The following NCAM1 variants were observed in gnomAD, a reference collection of about 807,000 sequenced individuals.
NCAM1 encodes the protein neural cell adhesion molecule 1, also known as antigen recognized by monoclonal antibody 5.1H11.
NCAM1 carries 14 observed loss-of-function variants against 109.8 expected under a neutral mutation model. The ratio of observed to expected loss-of-function variants is 0.13; its 90% CI spans 0.08 to 0.20. The LOEUF (loss-of-function observed/expected upper bound fraction) is 0.20, where lower values mean the gene tolerates loss of function less well. Ranked by LOEUF, NCAM1 falls within the 10% of genes least tolerant of loss-of-function variation. The pLI, the probability that NCAM1 is intolerant of heterozygous loss-of-function variation, is 1.00. For missense variants in NCAM1, 774 were observed against 1,109.9 expected (o/e 0.70, Z 4.30); for synonymous variants, 418 against 442.9 (o/e 0.94, Z 0.70).
At chr11:112,998,107 T>A (rs1324426370) in intron 1 of NCAM1, among the ~76,000 whole-genome samples, 1 of 152,220 alleles carries the variant, frequency 6.6e-6, no homozygotes, top group Admixed American at 6.5e-5. Flanking sequence ...AGTGAGGAAC[T>A]TGAGGCCCAG....
At chr11:113,260,101 G>T (rs1945946248) in intron 16 of NCAM1, 45 bp from the exon 17 acceptor site, 2 of 1,545,304 alleles carry the variant, frequency 1.3e-6, no homozygotes, top group South Asian at 2.5e-5. Context: ...TTTATCTAAA[G>T]CTTTTTTGGT....
chr11:113,037,936 A>T (rs1555079449), intron 1 of NCAM1, among the ~76,000 whole-genome samples: 1 of 151,996 alleles, frequency 6.6e-6, no homozygotes, highest in East Asian at 1.9e-4. Flanking sequence ...AATTTTAGAG[A>T]TTGTCTGGCC....
intron 1 of NCAM1, among the ~76,000 whole-genome samples, chr11:113,160,125 G>A (rs1271222713): frequency 6.6e-6 from 1 of 152,052 alleles, no homozygotes; most frequent in South Asian, 2.1e-4. Flanking sequence ...CAGCAAGAAG[G>A]CTGGTTTGCA....
intron 1 of NCAM1, among the ~76,000 whole-genome samples, chr11:113,108,928 G>A (rs780488868): frequency 1.2e-3 from 186 of 151,162 alleles, no homozygotes; most frequent in Non-Finnish European, 2.2e-3. Flanking sequence ...AGTAGAGGTG[G>A]GGTTTCACCA....
intron 1 of NCAM1, among the ~76,000 whole-genome samples, chr11:113,096,712 A>G (rs1039236691): frequency 6.6e-6 from 1 of 152,096 alleles, no homozygotes; most frequent in Non-Finnish European, 1.5e-5. Flanking sequence ...TTTAACTGGC[A>G]TCACTGATGA....
chr11:113,238,601 C>T (rs1443613337), intron 14 of NCAM1, among the ~76,000 whole-genome samples: 4 of 152,156 alleles, frequency 2.6e-5, no homozygotes, highest in Non-Finnish European at 4.4e-5. Context: ...TAGGAAGGAC[C>T]TTCTCTGAAT....
At position 113,274,178 on chromosome 11, in the gene NCAM1, A is replaced by G. The variant is rs1315794120; in HGVS notation, c.2457-1089A>G. Among the ~76,000 whole-genome samples, 1 of 152,150 alleles carries G rather than the reference A, an allele frequency of 6.6e-6. No individual in the cohort carries two copies. Among genetic ancestry groups the G allele is most frequent in the African/African-American group, 2.4e-5 (1 of 41,440 alleles). Reference sequence around the variant, plus strand: ...TGCAGGAAGAAAAGAGGTAGGCCCCAGGCCCGTGGCAGGGGAGGGTGCAGT... The same window carrying G: ...TGCAGGAAGAAAAGAGGTAGGCCCCGGGCCCGTGGCAGGGGAGGGTGCAGT... On this transcript the variant is annotated intron_variant, in intron 19 of 19. Transcript: ENST00000316851. The surrounding 1 kb of genome is among the most constrained non-coding windows in gnomAD (Gnocchi z 4.1).
In NCAM1 at chr11:113,256,659, T is replaced by A. The variant is rs556137961; in HGVS notation, c.1953+658T>A. Among the ~76,000 whole-genome samples the A allele has an allele frequency of 2.6e-5, 4 of 152,332 alleles. No individual in the cohort carries two copies. In the South Asian group the frequency reaches 8.3e-4, roughly 32 times the overall value. The stretch of plus-strand genomic sequence containing the variant: ...CTAATCCTGCTAACAGCAAGTTGGC[T>A]CTAAGCCACCTTCTCCTGGTTTGCT... On this transcript the variant is annotated intron_variant, in intron 16 of 19. Transcript: ENST00000316851.
intron 17 of NCAM1, chr11:113,265,092 T>C: frequency 1.0e-6 from 1 of 985,474 alleles, no homozygotes; most frequent in East Asian, 1.1e-4. Flanking sequence ...GTTTGGATCA[T>C]GTTTTTCTAC....
At position 113,064,332 on chromosome 11, in the gene NCAM1, T is replaced by C. The variant is rs572154531; in HGVS notation, c.52+102668T>C. On this transcript the variant is annotated intron_variant, in intron 1 of 19. Transcript: ENST00000316851. ...CTCCAGGCAGGAGTAACATGACTAGTAAAATTATGACTGCTTAATCTTTCA... is the reference window on the plus strand; with the variant it reads ...CTCCAGGCAGGAGTAACATGACTAGCAAAATTATGACTGCTTAATCTTTCA... 6.6e-5 allele frequency among the ~76,000 whole-genome samples: 10 copies of C among 152,334 alleles called. 1 individual carries two copies. The South Asian group carries it at 2.1e-3, about 32-fold the overall frequency.
intron 19 of NCAM1, among the ~76,000 whole-genome samples, chr11:113,272,101 T>A (rs1946295606): frequency 6.6e-6 from 1 of 151,642 alleles, no homozygotes; most frequent in Admixed American, 6.5e-5. Flanking sequence ...GGCTCCTGTA[T>A]AAGTAGGGAT....
At position 113,226,714 on chromosome 11, in the gene NCAM1, A is replaced by C. The variant is rs1161842554; in HGVS notation, c.1090-4931A>C. ...TCCTCAGCAAATGTAAAAGAACAGA[A>C]ATGATAACAAACTGTCTCTCAGACC... On this transcript the variant is annotated intron_variant, in intron 9 of 19. Transcript: ENST00000316851. 2.6e-5 allele frequency among the ~76,000 whole-genome samples: 4 copies of C among 152,240 alleles called. No individual in the cohort carries two copies. The East Asian group carries it at 7.7e-4, about 29-fold the overall frequency.
At chr11:113,177,431 CTTG>C (rs559548270) in intron 1 of NCAM1, among the ~76,000 whole-genome samples, 11 of 152,048 alleles carry the variant, frequency 7.2e-5, no homozygotes, top group South Asian at 2.1e-4. Flanking sequence ...CGTATTATGT[CTTG>C]TTGTTGTTGT....
At chr11:113,244,631 C>T (rs1945441604) in intron 14 of NCAM1, among the ~76,000 whole-genome samples, 1 of 144,874 alleles carries the variant, frequency 6.9e-6, no homozygotes. Flanking sequence ...TACATATCTC[C>T]CAGTTTTGCT....
chr11:113,083,921 G>C lies in NCAM1; in HGVS notation c.53-118458G>C, dbSNP rs1348506147. 5.3e-5 allele frequency among the ~76,000 whole-genome samples: 8 copies of C among 152,168 alleles called. No homozygotes were observed. The East Asian group carries it at 1.5e-3, about 29-fold the overall frequency. On this transcript the variant is annotated intron_variant, in intron 1 of 19. Transcript: ENST00000316851. ...TCCCTGGTCTCAGTAAAAAAGTGAA[G>C]AGCCAGTTGAACTAACTAGGAATTA...
intron 1 of NCAM1, among the ~76,000 whole-genome samples, chr11:113,105,227 G>A (rs1555092299): frequency 6.6e-6 from 1 of 152,184 alleles, no homozygotes; most frequent in Non-Finnish European, 1.5e-5. Context: ...AGCAGATGGA[G>A]GAAGCCCAGA....
At chr11:113,199,829 T>TGA (rs60389510) in intron 1 of NCAM1, among the ~76,000 whole-genome samples, 2,182 of 115,728 alleles carry the variant, frequency 0.019, 109 homozygotes, top group East Asian at 0.072. Flanking sequence ...GAAACACCCT[T>TGA]AAAAAAAAAA....
At chr11:113,258,226 G>A (rs1945881097) in intron 16 of NCAM1, among the ~76,000 whole-genome samples, 1 of 152,250 alleles carries the variant, frequency 6.6e-6, no homozygotes, top group Non-Finnish European at 1.5e-5. Context: ...GCCAAAGATT[G>A]CAAAGAGATG....
At chr11:113,055,917 A>G (rs1258591739) in intron 1 of NCAM1, among the ~76,000 whole-genome samples, 1 of 146,820 alleles carries the variant, frequency 6.8e-6, no homozygotes, top group Non-Finnish European at 1.5e-5. Flanking sequence ...ACTATTCACA[A>G]TAGTCAAGAT....
Sources: allele counts gnomAD v4.1 joint callset (sites outside exome capture counted in the v4.1 genomes callset), GRCh38; gene constraint gnomAD v4.1.1; non-coding constraint Gnocchi (gnomAD v3.1); transcripts MANE v1.5; gene names NCBI Gene and HGNC (gene_info 2026-07-23, HGNC 2026-07-21).